Variants in RAB11FIP4 observed in about 807,000 individuals in gnomAD.
RAB11FIP4 encodes the protein rab11 family-interacting protein 4.
A neutral mutation model predicts 74.3 loss-of-function variants in RAB11FIP4; 23 were observed. The observed-to-expected ratio is 0.31, with a 90% CI of 0.22 to 0.44. RAB11FIP4 has a LOEUF of 0.44. RAB11FIP4 is among the 20% of genes least tolerant of loss of function. RAB11FIP4 has a pLI of 1.00. For missense variants in RAB11FIP4, 630 were observed against 863.9 expected, an observed-to-expected ratio of 0.73 and a Z score of 3.39; for synonymous variants, 360 against 359.9, an observed-to-expected ratio of 1.00 and a Z score of 0.00.
chr17:31,467,632 G>GA (rs2071698343), intron 3 of RAB11FIP4, among the ~76,000 whole-genome samples: 1 of 152,030 alleles, frequency 6.6e-6, no homozygotes, highest in African/African-American at 2.4e-5. Context: ...TCCACCTGGG[G>GA]AGAGAGTAGT....
At chr17:31,494,345 A>C (rs868510497) in intron 3 of RAB11FIP4, among the ~76,000 whole-genome samples, 1 of 152,008 alleles carries the variant, frequency 6.6e-6, no homozygotes, top group African/African-American at 2.4e-5. Context: ...GGATGAGGCT[A>C]GTACCTCCCT....
chr17:31,503,253 G>A (rs1480994011), intron 3 of RAB11FIP4, among the ~76,000 whole-genome samples: 1 of 149,544 alleles, frequency 6.7e-6, no homozygotes, highest in East Asian at 1.9e-4. Flanking sequence ...GGCTAGTCTC[G>A]AACTCCTGAC....
chr17:31,525,012 C>G (rs748345662), intron 9 of RAB11FIP4, 78 bp from the exon 10 acceptor site: 182 of 1,537,756 alleles, frequency 1.2e-4, no homozygotes, highest in Non-Finnish European at 1.5e-4. Flanking sequence ...TCTCGGGGCC[C>G]AGGGTCCCCC....
chr17:31,427,675 C>A (rs1286380853), intron 1 of RAB11FIP4, among the ~76,000 whole-genome samples: 1 of 152,230 alleles, frequency 6.6e-6, no homozygotes, highest in African/African-American at 2.4e-5. Flanking sequence ...AGAGCCCTGA[C>A]CTTGGAGAGG....
At chr17:31,453,199 A>G (rs1009741003) in intron 3 of RAB11FIP4, among the ~76,000 whole-genome samples, 1 of 151,996 alleles carries the variant, frequency 6.6e-6, no homozygotes, top group African/African-American at 2.4e-5. Context: ...AAAAAATTAA[A>G]AAGTAGCCAG....
chr17:31,455,929 C>T lies in RAB11FIP4; in HGVS notation c.336+21807C>T, dbSNP rs150013779. 6.8e-3 allele frequency among the ~76,000 whole-genome samples: 1,028 copies of T among 152,244 alleles called. 9 individuals are homozygous for T. Among genetic ancestry groups the T allele is most frequent in the African/African-American group, 0.019 (781 of 41,534 alleles). On this transcript the variant is annotated intron_variant, in intron 3 of 14. Coordinates refer to ENST00000621161, the MANE Select transcript of RAB11FIP4 (RefSeq NM_032932.6). ...TGCACTCACCCTCCGCTGAGAGTGC[C>T]ATCCTGGGCTTACAGGCAGAGGCTC...
chr17:31,401,762 A>G (rs530094407), intron 1 of RAB11FIP4, among the ~76,000 whole-genome samples: 1 of 152,348 alleles, frequency 6.6e-6, no homozygotes, highest in East Asian at 1.9e-4. Context: ...AACAAAAACC[A>G]GAAGGGGAGT....
intron 3 of RAB11FIP4, among the ~76,000 whole-genome samples, chr17:31,488,719 G>A (rs984111664): frequency 6.6e-6 from 1 of 152,242 alleles, no homozygotes; most frequent in Non-Finnish European, 1.5e-5. Flanking sequence ...GATGGTGGAG[G>A]TGGGGAGTCC....
At chr17:31,406,921 A>G (rs1197832302) in intron 1 of RAB11FIP4, among the ~76,000 whole-genome samples, 1 of 151,266 alleles carries the variant, frequency 6.6e-6, no homozygotes, top group Non-Finnish European at 1.5e-5. Context: ...TCACTTCTTT[A>G]GTAGTTAGAC....
chr17:31,504,209 C>T (rs992747917), intron 3 of RAB11FIP4, among the ~76,000 whole-genome samples: 1 of 147,276 alleles, frequency 6.8e-6, no homozygotes, highest in African/African-American at 2.7e-5. Flanking sequence ...CGGCTCACTG[C>T]AAGCTCTGCC....
chr17:31,504,422 C>T (rs1175098438), intron 3 of RAB11FIP4, among the ~76,000 whole-genome samples: 3 of 152,040 alleles, frequency 2.0e-5, no homozygotes, highest in African/African-American at 4.8e-5. Context: ...CCCGCCACCA[C>T]GCCCGGCTAA....
intron 3 of RAB11FIP4, among the ~76,000 whole-genome samples, chr17:31,453,369 A>AC (rs1418631786): frequency 6.7e-6 from 1 of 149,398 alleles, no homozygotes; most frequent in African/African-American, 2.5e-5. Context: ...AAAAAAAAAA[A>AC]AAAAAAAAAA....
At chr17:31,510,996 G>GT (rs1221915710) in intron 3 of RAB11FIP4, among the ~76,000 whole-genome samples, 3 of 152,004 alleles carry the variant, frequency 2.0e-5, no homozygotes, top group Non-Finnish European at 4.4e-5. Flanking sequence ...CATTCCAAGG[G>GT]TTTTTTTGTT....
chr17:31,442,739 C>T (rs1947990272), intron 3 of RAB11FIP4, among the ~76,000 whole-genome samples: 1 of 152,096 alleles, frequency 6.6e-6, no homozygotes, highest in South Asian at 2.1e-4. Context: ...GCAGGTGGAT[C>T]ACCTGAGGTC....
chr17:31,481,270 C>T (rs759598049), intron 3 of RAB11FIP4, among the ~76,000 whole-genome samples: 2 of 152,054 alleles, frequency 1.3e-5, no homozygotes, highest in Non-Finnish European at 2.9e-5. Flanking sequence ...CCGTGACATT[C>T]GGATTAGGTT....
chr17:31,411,922 G>A (rs917139656), intron 1 of RAB11FIP4, among the ~76,000 whole-genome samples: 44 of 152,258 alleles, frequency 2.9e-4, no homozygotes, highest in African/African-American at 1.1e-3. Flanking sequence ...CAGCCCCTCT[G>A]GCCATCGTCC....
intron 5 of RAB11FIP4, among the ~76,000 whole-genome samples, 190 bp downstream of exon 5, chr17:31,521,550 A>G (rs979077911): frequency 6.6e-6 from 1 of 151,878 alleles, no homozygotes; most frequent in Non-Finnish European, 1.5e-5. Context: ...TTCCTCCTGA[A>G]TTAACTGACC....
intron 1 of RAB11FIP4, among the ~76,000 whole-genome samples, chr17:31,402,972 T>A (rs564558098): frequency 6.6e-6 from 1 of 152,218 alleles, no homozygotes; most frequent in Non-Finnish European, 1.5e-5. Flanking sequence ...CTCAGTTTCC[T>A]TATCTGTAAA....
At chr17:31,492,156 G>A (rs1435683635) in intron 3 of RAB11FIP4, among the ~76,000 whole-genome samples, 1 of 152,172 alleles carries the variant, frequency 6.6e-6, no homozygotes, top group East Asian at 1.9e-4. Context: ...CACCCAGGCT[G>A]TCTCCTCATC....
Sources: gnomAD v4.1 joint callset for allele counts (sites outside exome capture counted in the v4.1 genomes callset) on GRCh38, gnomAD v4.1.1 for gene constraint, MANE v1.5 for transcripts, NCBI Gene and HGNC (gene_info 2026-07-23, HGNC 2026-07-21) for gene names.